Variants in DENND1C observed in about 807,000 individuals in gnomAD.
DENND1C encodes DENN domain containing 1C.
Under a neutral mutation model 87.9 loss-of-function variants are expected in DENND1C, and 64 were observed. The ratio of observed to expected loss-of-function variants is 0.73; its 90% CI spans 0.60 to 0.90. The LOEUF is 0.90. Among genes scored for constraint, DENND1C ranks in the 40% least tolerant of loss-of-function variants. The pLI is 0.00. For synonymous variants in DENND1C, 384 were observed against 424.4 expected, an observed-to-expected ratio of 0.90 and a Z score of 1.17; for missense variants, 980 against 1,037.0, an observed-to-expected ratio of 0.95 and a Z score of 0.76.
chr19:6,468,059 G>C lies in DENND1C; in HGVS notation c.1851C>G (p.Pro617=). ...DKKLPEPEPQ[P]LSLPSLQNAS... Reference sequence around the variant, plus strand: ...CATTTTGCAGGGATGGCAGGGAAAGGGGCTGGGGCTCCGGCTCTGGTAGTT... The same window carrying C: ...CATTTTGCAGGGATGGCAGGGAAAGCGGCTGGGGCTCCGGCTCTGGTAGTT... The change falls in exon 23 of 23, where the codon CCC becomes CCG. Residue 617 remains proline, a synonymous_variant. Transcript: ENST00000381480. 6.2e-7 allele frequency: 1 copy of C among 1,613,918 alleles called. No individual in the cohort carries two copies. The highest frequency in any genetic ancestry group is 8.5e-7 in the Non-Finnish European group (1 of 1,179,862).
chr19:6,477,225 C>A lies in DENND1C; in HGVS notation c.506G>T (p.Ser169Ile). ...QGIPPPTRGN[S>I]KPLSCFVAPD... Reference sequence around the variant, plus strand: ...TCCCCGAGCCCCGCTCACCGGCTTGCTATTCCCCCGGGTAGGGGGGGGGAT... The same window carrying A: ...TCCCCGAGCCCCGCTCACCGGCTTGATATTCCCCCGGGTAGGGGGGGGGAT... The change falls in exon 8 of 23, where the codon AGC becomes ATC. Residue 169 changes from serine to isoleucine, a missense_variant. Ser to Ile is a moderately radical substitution (Grantham distance 142). Coordinates refer to ENST00000381480, the MANE Select transcript of DENND1C (RefSeq NM_024898.4). The A allele has an allele frequency of 6.3e-7, 1 of 1,585,174 alleles. No individual in the cohort carries two copies. The highest frequency in any genetic ancestry group is 8.6e-7 in the Non-Finnish European group (1 of 1,165,800).
intron 6 of DENND1C, 136 bp from the exon 7 acceptor site, chr19:6,477,594 C>A (rs1303946178): frequency 1.2e-5 from 3 of 260,482 alleles, no homozygotes; most frequent in Non-Finnish European, 2.0e-5. Context: ...TTTTTTCTTT[C>A]TTTAAAAGAA....
chr19:6,467,486 C>T lies in DENND1C; in HGVS notation c.*18G>A. Reference sequence around the variant, plus strand: ...TGGCTTTATTGAGGGACTGGGGTCTCTCTTGGACCCCTGATTCTTAACCCT... The same window carrying T: ...TGGCTTTATTGAGGGACTGGGGTCTTTCTTGGACCCCTGATTCTTAACCCT... On this transcript the variant is annotated 3_prime_UTR_variant, in exon 23 of 23. Coordinates refer to ENST00000381480, the MANE Select transcript of DENND1C (RefSeq NM_024898.4). The T allele has an allele frequency of 6.4e-7, 1 of 1,558,940 alleles. No homozygotes were observed. Among genetic ancestry groups the T allele is most frequent in the Non-Finnish European group, 8.6e-7 (1 of 1,156,150 alleles).
At chr19:6,475,174 G>GGCGT (rs1329984992) in intron 14 of DENND1C, 100 bp downstream of exon 14, 1 of 1,568,546 alleles carries the variant, frequency 6.4e-7, no homozygotes, top group Admixed American at 1.8e-5. Flanking sequence ...TGGGATTACA[G>GGCGT]GCGTGAGCCA....
At position 6,467,598 on chromosome 19, in the gene DENND1C, AG is replaced by A. The variant is rs753239759; in HGVS notation, c.2311del (p.Leu771Ter). On this transcript the variant is annotated frameshift_variant, in exon 23 of 23. Coordinates refer to ENST00000381480, the MANE Select transcript of DENND1C (RefSeq NM_024898.4). LOFTEE classifies it low-confidence loss of function (END_TRUNC). ...HLQPREEPGA[L>X]NSPATPTSNC... ...GCTGGTGGGTGTAGCAGGGGAATTC[AG>A]GGCTCCTGGTTCCTCCCGTGGCTGG... 6.3e-6 allele frequency: 10 copies of A among 1,591,266 alleles called. No homozygotes were observed. The East Asian group carries it at 2.0e-4, about 32-fold the overall frequency.
At position 6,467,373 on chromosome 19, in the gene DENND1C, G is replaced by T; in HGVS notation, c.*131C>A. The T allele has an allele frequency of 7.9e-7, 1 of 1,269,790 alleles. No homozygotes were observed. Among genetic ancestry groups the T allele is most frequent in the Non-Finnish European group, 1.0e-6 (1 of 959,650 alleles). 78.7% of individuals were successfully genotyped at this position (1,269,790 alleles called of 1,614,324 possible). On this transcript the variant is annotated 3_prime_UTR_variant, in exon 23 of 23. Transcript: ENST00000381480. ...CCAGTTAGAGAGGCTGCCCTTGGAGGGACAGAGGTGGGTGGGATGGATTTC... is the reference window on the plus strand; with the variant it reads ...CCAGTTAGAGAGGCTGCCCTTGGAGTGACAGAGGTGGGTGGGATGGATTTC...
intron 14 of DENND1C, among the ~76,000 whole-genome samples, chr19:6,473,816 G>GGGGGGGGGGGGGGGAA (rs1231177042): frequency 7.6e-6 from 1 of 131,582 alleles, no homozygotes; most frequent in African/African-American, 2.9e-5. Flanking sequence ...GGGGGGTGGG[G>GGGGGGGGGGGGGGGAA]GGAGGGAAAT....
At chr19:6,468,788 TG>T in intron 20 of DENND1C, 57 bp downstream of exon 20, 1 of 1,449,596 alleles carries the variant, frequency 6.9e-7, no homozygotes. Context: ...GGGACTGGGA[TG>T]GGTAGAGGAT....
chr19:6,479,508 A>G (rs2092885694), intron 4 of DENND1C, among the ~76,000 whole-genome samples, 161 bp downstream of exon 4: 1 of 150,848 alleles, frequency 6.6e-6, no homozygotes. Flanking sequence ...GCTAATGTAT[A>G]TAGGTCCCTA....
Position 6,477,444 on chromosome 19 carries a change from C to T in DENND1C, c.381G>A (p.Glu127=). 1 of 1,612,994 alleles carries T rather than the reference C, an allele frequency of 6.2e-7. No homozygotes were observed. The highest frequency in any genetic ancestry group is 1.3e-5 in the African/African-American group (1 of 74,874). The change falls in exon 7 of 23, where the codon GAG becomes GAA. Residue 127 remains glutamate (E), a synonymous_variant. Coordinates refer to ENST00000381480, the MANE Select transcript of DENND1C (RefSeq NM_024898.4). ...GCTGAAACAGATTTTGAAGAAGTTCCTCTGCCTCGGTGACCTGGGTGGGAC... is the reference window on the plus strand; with the variant it reads ...GCTGAAACAGATTTTGAAGAAGTTCTTCTGCCTCGGTGACCTGGGTGGGAC... ...LLAQDQVTEA[E]ELLQNLFQQS...
intron 10 of DENND1C, chr19:6,476,215 T>C (rs2092859180): frequency 2.3e-6 from 1 of 442,070 alleles, no homozygotes; most frequent in Non-Finnish European, 4.0e-6. Flanking sequence ...CCCATGCAGG[T>C]AGAGCAAGGA....
intron 17 of DENND1C, 88 bp downstream of exon 17, chr19:6,471,177 C>T (rs918613547): frequency 1.8e-5 from 28 of 1,524,560 alleles, no homozygotes; most frequent in East Asian, 9.8e-5. Flanking sequence ...AACTTCTGGT[C>T]GCAGCAATCC....
chr19:6,480,003 A>G lies in DENND1C; in HGVS notation c.66T>C (p.Pro22=). ...VFDWFFEAAC[P]ASLQEDPPIL... ...CCAACTCACCCTCCTGCAGGGAGGC[A>G]GGGCAGGCCGCTTCGAAGAACCAAT... Residue 22 remains proline, a synonymous_variant, in exon 2 of 23, where the codon CCT becomes CCC. Coordinates refer to ENST00000381480, the MANE Select transcript of DENND1C (RefSeq NM_024898.4). 6.6e-7 allele frequency: 1 copy of G among 1,522,290 alleles called. No individual in the cohort carries two copies. Among genetic ancestry groups the G allele is most frequent in the Non-Finnish European group, 8.9e-7 (1 of 1,126,416 alleles). 94.3% of individuals were successfully genotyped at this position (1,522,290 alleles called of 1,614,324 possible).
chr19:6,472,484 G>A (rs1450657497), intron 15 of DENND1C, among the ~76,000 whole-genome samples: 5 of 152,110 alleles, frequency 3.3e-5, no homozygotes, highest in Non-Finnish European at 5.9e-5. Context: ...TCTGCCTCCC[G>A]GGTTCAAACG....
At position 6,476,056 on chromosome 19, in the gene DENND1C, A is replaced by G. The variant is rs116758743; in HGVS notation, c.679-119T>C. On this transcript the variant is annotated intron_variant, in intron 10 of 22. Coordinates refer to ENST00000381480, the MANE Select transcript of DENND1C (RefSeq NM_024898.4). ...CCCCCTCCCCATCCACTGCTGGATA[A>G]TGAGTGACAACTCGAACCCCTTTAG... 3,164 of 956,942 alleles carry G rather than the reference A, an allele frequency of 3.3e-3. 74 individuals carry two copies. In the African/African-American group the frequency reaches 0.047, roughly 14 times the overall value. The allele number at this position is 956,942 out of a possible 1,614,324, so 59.3% of individuals were successfully genotyped here.
chr19:6,474,162 T>C (rs1568397055), intron 14 of DENND1C, among the ~76,000 whole-genome samples: 2 of 148,500 alleles, frequency 1.3e-5, no homozygotes, highest in South Asian at 2.1e-4. Flanking sequence ...GCCACTGCAC[T>C]CCAGCCTGGG....
Position 6,475,734 on chromosome 19 carries a change from A to T in DENND1C, c.797T>A (p.Leu266His). 1 of 1,577,102 alleles carries T rather than the reference A, an allele frequency of 6.3e-7. No homozygotes were observed. The highest frequency in any genetic ancestry group is 8.6e-7 in the Non-Finnish European group (1 of 1,160,836). ...GGCGAGACTGGCGTGCACTCCAATG[A>T]GGTAGGGCATGGGCGCGCTGCGGAC... ...LDYCCAPMPY[L>H]IGVHASLAER... Residue 266 changes from leucine (L) to histidine (H), a missense_variant, in exon 12 of 23, where the codon CTC becomes CAC. Transcript: ENST00000381480.
At chr19:6,477,148 G>C in intron 8 of DENND1C, 21 bp from the exon 9 acceptor site, 1 of 1,600,102 alleles carries the variant, frequency 6.2e-7, no homozygotes, top group Non-Finnish European at 8.5e-7. Context: ...TATTGGCAGG[G>C]GGATCAATCA....
Position 6,475,769 on chromosome 19 carries a change from G to A in DENND1C, c.780-18C>T, listed in dbSNP as rs369044696. 30 of 1,546,426 alleles carry A rather than the reference G, an allele frequency of 1.9e-5. No individual in the cohort carries two copies. Among genetic ancestry groups the A allele is most frequent in the Non-Finnish European group, 4.4e-6 (5 of 1,143,994 alleles). ...TGGGCGCGCTGCGGACCGAGGGGACGGGGTCATGCAGGCACCGCCCCCAGG... is the reference window on the plus strand; with the variant it reads ...TGGGCGCGCTGCGGACCGAGGGGACAGGGTCATGCAGGCACCGCCCCCAGG... On this transcript the variant is annotated intron_variant, in intron 11 of 22. Coordinates refer to ENST00000381480, the MANE Select transcript of DENND1C (RefSeq NM_024898.4).
Sources: gnomAD v4.1 joint callset for allele counts (sites outside exome capture counted in the v4.1 genomes callset) on GRCh38, gnomAD v4.1.1 for gene constraint, MANE v1.5 for transcripts, NCBI Gene and HGNC (gene_info 2026-07-23, HGNC 2026-07-21) for gene names.